The following GLRB variants were observed in gnomAD, a reference collection of about 807,000 sequenced individuals.
GLRB encodes glycine receptor beta.
Under a neutral mutation model 54.2 loss-of-function variants are expected in GLRB, and 33 were observed. That is an observed-to-expected ratio of 0.61 (90% confidence interval 0.46 to 0.81). GLRB has a LOEUF of 0.81. GLRB is among the 40% of genes least tolerant of loss of function. The pLI, the probability that GLRB is intolerant of heterozygous loss-of-function variation, is 0.00. For missense variants in GLRB, 572 were observed against 584.6 expected (o/e 0.98, Z 0.22); for synonymous variants, 209 against 208.2 (o/e 1.00, Z -0.03).
At chr4:157,090,779 T>C (rs1157014450) in intron 2 of GLRB, among the ~76,000 whole-genome samples, 1 of 152,214 alleles carries the variant, frequency 6.6e-6, no homozygotes, top group Non-Finnish European at 1.5e-5. Flanking sequence ...TATTTTATTA[T>C]ACAACATCAA....
At chr4:157,082,911 A>G (rs930686539) in intron 2 of GLRB, among the ~76,000 whole-genome samples, 5 of 151,350 alleles carry the variant, frequency 3.3e-5, no homozygotes, top group Non-Finnish European at 7.4e-5. Flanking sequence ...AGCTTAGCAG[A>G]GCACATTTGG....
chr4:157,150,481 C>T (rs543264365), intron 8 of GLRB, among the ~76,000 whole-genome samples: 142 of 152,174 alleles, frequency 9.3e-4, no homozygotes, highest in African/African-American at 3.3e-3. Context: ...ACAATCCTTT[C>T]ATCTGTTTCT....
intron 9 of GLRB, among the ~76,000 whole-genome samples, chr4:157,167,852 G>T (rs566484586): frequency 3.5e-4 from 53 of 152,260 alleles, no homozygotes; most frequent in African/African-American, 1.1e-3. Flanking sequence ...ATGGTGGAAG[G>T]TGCAGGAAAG....
chr4:157,156,432 T>C (rs1393718046), intron 9 of GLRB, among the ~76,000 whole-genome samples: 1 of 152,080 alleles, frequency 6.6e-6, no homozygotes, highest in East Asian at 1.9e-4. Context: ...AATCTAGGAG[T>C]CTTTTGGAGG....
At chr4:157,130,719 G>C (rs1331029779) in intron 4 of GLRB, among the ~76,000 whole-genome samples, 1 of 151,644 alleles carries the variant, frequency 6.6e-6, no homozygotes, top group African/African-American at 2.4e-5. Flanking sequence ...GGGTGTACAA[G>C]TGTATCTGTT....
Position 157,078,100 on chromosome 4 carries a change from T to A in GLRB, c.76T>A (p.Ser26Thr). Reference protein sequence around the residue: ...WVEEAYSKEKSSKKGKGKKKQ... With the variant: ...WVEEAYSKEKTSKKGKGKKKQ... ...GGAAGAAGCCTATTCTAAGGAAAAG[T>A]CTTCAAAGAAAGGGAAGGGGAAAAA... Residue 26 changes from serine (S) to threonine (T), a missense_variant, in exon 2 of 10, where the codon TCT becomes ACT. Physicochemically the swap from Ser to Thr is moderately conservative, Grantham distance 58 (BLOSUM62 1). Coordinates refer to ENST00000264428, the MANE Select transcript of GLRB (RefSeq NM_000824.5). The A allele has an allele frequency of 1.2e-6, 2 of 1,610,728 alleles. No individual in the cohort carries two copies. Among genetic ancestry groups the A allele is most frequent in the Non-Finnish European group, 1.7e-6 (2 of 1,177,128 alleles).
intron 8 of GLRB, among the ~76,000 whole-genome samples, chr4:157,147,030 G>A (rs1382086909): frequency 6.6e-6 from 1 of 152,166 alleles, no homozygotes; most frequent in African/African-American, 2.4e-5. Flanking sequence ...TGAGAAGATG[G>A]GCAGGCCAGG....
chr4:157,080,030 C>T (rs1374316532), intron 2 of GLRB, among the ~76,000 whole-genome samples: 1 of 152,092 alleles, frequency 6.6e-6, no homozygotes, highest in African/African-American at 2.4e-5. Context: ...AAGATGGCAA[C>T]AGCAAATCTT....
chr4:157,108,678 CAA>C (rs1735310068), intron 2 of GLRB, among the ~76,000 whole-genome samples: 1 of 151,966 alleles, frequency 6.6e-6, no homozygotes, highest in African/African-American at 2.4e-5. Flanking sequence ...AGAACAATGT[CAA>C]AATGACAACA....
chr4:157,093,203 C>T (rs751048559), intron 2 of GLRB, among the ~76,000 whole-genome samples: 1 of 151,702 alleles, frequency 6.6e-6, no homozygotes, highest in Non-Finnish European at 1.5e-5. Flanking sequence ...TCTGAGCACA[C>T]AATCTGACAA....
intron 2 of GLRB, among the ~76,000 whole-genome samples, chr4:157,080,520 C>T (rs1734186161): frequency 6.6e-6 from 1 of 152,118 alleles, no homozygotes; most frequent in African/African-American, 2.4e-5. Flanking sequence ...CTAGGGTTGT[C>T]CCTGACTGTG....
At chr4:157,100,460 C>T (rs950540573) in intron 2 of GLRB, among the ~76,000 whole-genome samples, 2 of 152,070 alleles carry the variant, frequency 1.3e-5, no homozygotes, top group African/African-American at 2.4e-5. Flanking sequence ...TAGTCTTGTG[C>T]CAGTAACACA....
intron 2 of GLRB, among the ~76,000 whole-genome samples, chr4:157,079,821 A>G (rs956491318): frequency 1.3e-5 from 2 of 152,186 alleles, no homozygotes; most frequent in East Asian, 1.9e-4. Flanking sequence ...TGTGTTTTAG[A>G]TATTCTTTCT....
intron 4 of GLRB, among the ~76,000 whole-genome samples, chr4:157,124,434 T>C (rs547463456): frequency 2.6e-5 from 4 of 151,958 alleles, no homozygotes; most frequent in African/African-American, 9.6e-5. Context: ...TAATGGACTA[T>C]AAACTCATAA....
intron 4 of GLRB, among the ~76,000 whole-genome samples, chr4:157,128,667 G>T (rs1736104755): frequency 6.6e-6 from 1 of 151,710 alleles, no homozygotes; most frequent in African/African-American, 2.4e-5. Flanking sequence ...TATGAACATA[G>T]ATCTAGAAAA....
intron 2 of GLRB, among the ~76,000 whole-genome samples, chr4:157,088,451 T>G (rs1734490175): frequency 6.6e-6 from 1 of 152,224 alleles, no homozygotes; most frequent in Non-Finnish European, 1.5e-5. Flanking sequence ...GATCTAGTCT[T>G]GGCTAAGTCT....
chr4:157,144,873 G>A lies in GLRB; in HGVS notation c.904+914G>A, dbSNP rs187993624. 1.4e-4 allele frequency among the ~76,000 whole-genome samples: 22 copies of A among 152,274 alleles called. No homozygotes were observed. The East Asian group carries it at 4.1e-3, about 28-fold the overall frequency. On this transcript the variant is annotated intron_variant, in intron 8 of 9. Coordinates refer to ENST00000264428, the MANE Select transcript of GLRB (RefSeq NM_000824.5). Reference sequence around the variant, plus strand: ...AGCTAGGAAAGAAGCCATGAAAATGGCAATGTCATCTGAAGAAGAAATTTG... The same window carrying A: ...AGCTAGGAAAGAAGCCATGAAAATGACAATGTCATCTGAAGAAGAAATTTG...
At chr4:157,113,131 A>ATG (rs58046467) in intron 2 of GLRB, among the ~76,000 whole-genome samples, 2,824 of 151,728 alleles carry the variant, frequency 0.019, 48 homozygotes, top group African/African-American at 0.041. Context: ...GTGTGTGTAT[A>ATG]TGTGTGTGTG....
At chr4:157,161,397 C>T (rs1324127064) in intron 9 of GLRB, among the ~76,000 whole-genome samples, 1 of 152,278 alleles carries the variant, frequency 6.6e-6, no homozygotes, top group Middle Eastern at 3.4e-3. Flanking sequence ...TTGTTTTGCT[C>T]ATTAGCTGAT....
Sources: allele counts gnomAD v4.1 joint callset (sites outside exome capture counted in the v4.1 genomes callset), GRCh38; gene constraint gnomAD v4.1.1; transcripts MANE v1.5; gene names NCBI Gene and HGNC (gene_info 2026-07-23, HGNC 2026-07-21).